Variants in ROCK1 observed in about 807,000 individuals in gnomAD.
ROCK1 encodes the protein Rho associated coiled-coil containing protein kinase 1.
A neutral mutation model predicts 196.8 loss-of-function variants in ROCK1; 36 were observed. The ratio of observed to expected loss-of-function variants is 0.18; its 90% CI spans 0.14 to 0.24. The LOEUF is 0.24. Ranked by LOEUF, ROCK1 falls within the 10% of genes least tolerant of loss-of-function variation. The pLI is 1.00. For missense variants in ROCK1, 920 were observed against 1,562.0 expected, an observed-to-expected ratio of 0.59 and a Z score of 6.93; for synonymous variants, 443 against 515.9, an observed-to-expected ratio of 0.86 and a Z score of 1.91.
At chr18:21,088,314 GA>G (rs1183541694) in intron 1 of ROCK1, among the ~76,000 whole-genome samples, 2 of 152,108 alleles carry the variant, frequency 1.3e-5, no homozygotes, top group Non-Finnish European at 2.9e-5. Flanking sequence ...GGTAACAATA[GA>G]AAGACCTCGT....
At position 21,036,519 on chromosome 18, in the gene ROCK1, A is replaced by AC. The variant is rs1287348577; in HGVS notation, c.1051+2952dup. Among the ~76,000 whole-genome samples the AC allele has an allele frequency of 9.2e-5, 14 of 152,316 alleles. No homozygotes were observed. The East Asian group carries it at 1.5e-3, about 17-fold the overall frequency. On this transcript the variant is annotated intron_variant, in intron 9 of 32. Transcript: ENST00000399799. ...GAATGCAGTAGCATTATCATAGCTAACCGCACCCTTGAACTCCTGGGCTCA... is the reference window on the plus strand; with the variant it reads ...GAATGCAGTAGCATTATCATAGCTAACCCGCACCCTTGAACTCCTGGGCTCA...
chr18:21,009,565 T>C (rs747548889), intron 13 of ROCK1, among the ~76,000 whole-genome samples: 1 of 152,154 alleles, frequency 6.6e-6, no homozygotes, highest in Non-Finnish European at 1.5e-5. Flanking sequence ...CTGGAATACA[T>C]GCCCAAGAAT....
intron 13 of ROCK1, among the ~76,000 whole-genome samples, chr18:21,009,290 G>A (rs1393759126): frequency 6.7e-6 from 1 of 149,666 alleles, no homozygotes; most frequent in Non-Finnish European, 1.5e-5. Flanking sequence ...TGGGATTACA[G>A]GCGTGAGTCA....
chr18:20,995,534 C>T (rs961130327), intron 16 of ROCK1, among the ~76,000 whole-genome samples: 6 of 152,106 alleles, frequency 3.9e-5, no homozygotes, highest in Non-Finnish European at 7.3e-5. Context: ...ATTTCTGGAC[C>T]TGCTCTGGGC....
At chr18:21,027,801 G>C (rs535268499) in intron 10 of ROCK1, among the ~76,000 whole-genome samples, 2 of 110,654 alleles carry the variant, frequency 1.8e-5, no homozygotes, top group East Asian at 5.2e-4. Context: ...TCGCTCTGTC[G>C]CCCAGGCTGG....
intron 16 of ROCK1, among the ~76,000 whole-genome samples, chr18:21,005,491 A>G (rs2035760597): frequency 6.6e-6 from 1 of 152,234 alleles, no homozygotes; most frequent in African/African-American, 2.4e-5. Context: ...TGTCTGTAAA[A>G]CTGAAAAATA....
At chr18:20,965,790 G>T (rs1454572274) in intron 27 of ROCK1, among the ~76,000 whole-genome samples, 2 of 152,084 alleles carry the variant, frequency 1.3e-5, no homozygotes, top group Non-Finnish European at 2.9e-5. Context: ...ACTAAAATAA[G>T]AAATATTTCT....
chr18:21,021,261 G>C (rs1275658456), intron 11 of ROCK1, among the ~76,000 whole-genome samples: 1 of 152,162 alleles, frequency 6.6e-6, no homozygotes, highest in East Asian at 1.9e-4. Flanking sequence ...TGCCTGAGAA[G>C]TATACAGAAG....
At chr18:21,028,740 G>C (rs1203494881) in intron 10 of ROCK1, 36 bp downstream of exon 10, 1 of 1,528,680 alleles carries the variant, frequency 6.5e-7, no homozygotes. Context: ...AACAAAATCA[G>C]CACTTACTCC....
intron 9 of ROCK1, among the ~76,000 whole-genome samples, chr18:21,036,602 C>T (rs2036059507): frequency 6.6e-6 from 1 of 152,052 alleles, no homozygotes; most frequent in African/African-American, 2.4e-5. Context: ...TGCCATCACA[C>T]CTGGCTAATT....
intron 2 of ROCK1, among the ~76,000 whole-genome samples, chr18:21,057,939 ATAAAG>A (rs2036257885): frequency 6.6e-6 from 1 of 152,242 alleles, no homozygotes; most frequent in African/African-American, 2.4e-5. Flanking sequence ...GATATCTACA[ATAAAG>A]TAGTTTTTAC....
At chr18:20,987,138 C>T in intron 18 of ROCK1, 28 bp from the exon 19 acceptor site, 2 of 1,601,780 alleles carry the variant, frequency 1.2e-6, no homozygotes, top group Non-Finnish European at 1.7e-6. Context: ...TACAAACATA[C>T]ATTTAAAGAA....
chr18:21,040,895 C>T (rs897400325), intron 8 of ROCK1, among the ~76,000 whole-genome samples: 4 of 151,386 alleles, frequency 2.6e-5, no homozygotes, highest in African/African-American at 9.7e-5. Flanking sequence ...GAGGCCAACG[C>T]AGGCAGATCA....
chr18:20,970,054 T>TA (rs1598512188), intron 23 of ROCK1: 1 of 213,176 alleles, frequency 4.7e-6, no homozygotes, highest in East Asian at 1.0e-4. Context: ...GAATTTAAGC[T>TA]AAGCCATTAC....
At chr18:21,102,443 G>T (rs1287866850) in intron 1 of ROCK1, among the ~76,000 whole-genome samples, 1 of 152,114 alleles carries the variant, frequency 6.6e-6, no homozygotes, top group African/African-American at 2.4e-5. Flanking sequence ...AGTGGGACAT[G>T]TTTGTTTTTA....
At chr18:21,045,175 A>T (rs2036145075) in intron 5 of ROCK1, 117 bp downstream of exon 5, 3 of 945,148 alleles carry the variant, frequency 3.2e-6, no homozygotes, top group Non-Finnish European at 3.0e-6. Flanking sequence ...TTGAGTTCTG[A>T]AAGGTCACTT....
rs2035638475 is a variant in ROCK1 at position 20,992,887 on chromosome 18, C to T, written c.1936G>A (p.Glu646Lys). The T allele has an allele frequency of 1.9e-6, 3 of 1,612,580 alleles. No individual in the cohort carries two copies. The highest frequency in any genetic ancestry group is 1.1e-5 in the South Asian group (1 of 90,984). ...TCTTTTCTTTCTCCTTCCACTTTTT[C>T]GAGATTATGTTTGAGATGCTTCACC... ...EEVKHLKHNL[E>K]KVEGERKEAQ... is the part of the protein sequence containing the mutation. Residue 646 changes from glutamate (E) to lysine (K), a missense_variant, in exon 17 of 33, where the codon GAA becomes AAA. Physicochemically the swap from Glu to Lys is moderately conservative, Grantham distance 56. This residue lies in a region of ROCK1 where 520 missense variants were observed against 657.1 expected (regional missense o/e 0.79). Coordinates refer to ENST00000399799, the MANE Select transcript of ROCK1 (RefSeq NM_005406.3).
chr18:21,101,629 G>A (rs1221278711), intron 1 of ROCK1, among the ~76,000 whole-genome samples: 2 of 152,198 alleles, frequency 1.3e-5, no homozygotes, highest in Non-Finnish European at 2.9e-5. Flanking sequence ...GCAGGGGAAG[G>A]GGAGTTGGAG....
chr18:20,963,325 CTAATT>C (rs2035344260), intron 27 of ROCK1, among the ~76,000 whole-genome samples: 2 of 152,032 alleles, frequency 1.3e-5, no homozygotes, highest in Non-Finnish European at 2.9e-5. Flanking sequence ...TGAAGACTAC[CTAATT>C]TATTTAGCTA....
Sources: gnomAD v4.1 joint callset for allele counts (sites outside exome capture counted in the v4.1 genomes callset) on GRCh38, gnomAD v4.1.1 for gene constraint, gnomAD v4.1.1 regional missense constraint, MANE v1.5 for transcripts, NCBI Gene and HGNC (gene_info 2026-07-23, HGNC 2026-07-21) for gene names.